The following UGT1A7 variants were observed in gnomAD, a reference collection of about 807,000 sequenced individuals.
UGT1A7 encodes the protein UDP-glucuronosyltransferase 1A7.
UGT1A7 carries 33 observed loss-of-function variants against 45.6 expected under a neutral mutation model. The ratio of observed to expected loss-of-function variants is 0.72; its 90% CI spans 0.55 to 0.97. The LOEUF (loss-of-function observed/expected upper bound fraction) is 0.97. UGT1A7 is among the 50% of genes least tolerant of loss of function. The pLI is 0.00. For missense variants in UGT1A7, 684 were observed against 666.2 expected (o/e 1.03, Z -0.29); for synonymous variants, 274 against 250.6 (o/e 1.09, Z -0.88).
intron 1 of UGT1A7, chr2:233,693,016 C>CCTTCG (rs767644326): frequency 1.4e-5 from 23 of 1,613,998 alleles, no homozygotes; most frequent in Non-Finnish European, 1.8e-5. Flanking sequence ...TGGCCTGCCT[C>CCTTCG]CTTCGCTCAT....
chr2:233,739,980 C>T (rs1169628941), intron 1 of UGT1A7, among the ~76,000 whole-genome samples: 1 of 151,792 alleles, frequency 6.6e-6, no homozygotes, highest in Non-Finnish European at 1.5e-5. Flanking sequence ...GGCAGTTTTC[C>T]CCATGCTGTT....
At chr2:233,754,910 C>T (rs1695636907) in intron 1 of UGT1A7, 2 of 1,353,942 alleles carry the variant, frequency 1.5e-6, no homozygotes, top group African/African-American at 3.0e-5. Flanking sequence ...CCAAAATATT[C>T]TCCAGCGGGT....
At chr2:233,750,188 A>G (rs1694384114) in intron 1 of UGT1A7, among the ~76,000 whole-genome samples, 1 of 151,886 alleles carries the variant, frequency 6.6e-6, no homozygotes, top group Non-Finnish European at 1.5e-5. Context: ...AATGTTGTGG[A>G]CAATGAAGTC....
At chr2:233,702,369 G>A (rs116955810) in intron 1 of UGT1A7, among the ~76,000 whole-genome samples, 2,669 of 151,968 alleles carry the variant, frequency 0.018, 42 homozygotes, top group East Asian at 0.042. Context: ...AGTGGATTTC[G>A]TAGGATTTTC....
chr2:233,756,289 G>GTATT (rs914898578), intron 1 of UGT1A7: 1 of 152,128 alleles, frequency 6.6e-6, no homozygotes, highest in African/African-American at 2.4e-5. Context: ...AAATGACACA[G>GTATT]TATTTGTATA....
At chr2:233,729,020 A>G in intron 1 of UGT1A7, 2 of 1,593,488 alleles carry the variant, frequency 1.3e-6, no homozygotes, top group Non-Finnish European at 8.6e-7. Flanking sequence ...TTCCAATTAC[A>G]CGTTGATTTG....
chr2:233,771,841 C>T (rs1700397789), intron 4 of UGT1A7, among the ~76,000 whole-genome samples: 1 of 147,174 alleles, frequency 6.8e-6, no homozygotes, highest in South Asian at 2.4e-4. Flanking sequence ...CCTTCTCTTC[C>T]TTCTTTTTCA....
rs74792728 is a variant in UGT1A7 at position 233,697,391 on chromosome 2, T to A, written c.855+14599T>A. Among the ~76,000 whole-genome samples the A allele has an allele frequency of 6.1e-3, 934 of 152,218 alleles. 11 individuals carry two copies. Among genetic ancestry groups the A allele is most frequent in the African/African-American group, 0.021 (887 of 41,568 alleles). ...TAGAGTTCACAATAATCGCTAATGA[T>A]CCTTTGTATTTCTGTGGTGTCAGTT... is the stretch of plus-strand genomic sequence containing the variant. On this transcript the variant is annotated intron_variant, in intron 1 of 4. Coordinates refer to ENST00000373426, the MANE Select transcript of UGT1A7 (RefSeq NM_019077.3).
intron 1 of UGT1A7, among the ~76,000 whole-genome samples, chr2:233,764,316 C>T (rs1044416342): frequency 3.3e-5 from 5 of 152,242 alleles, no homozygotes; most frequent in Admixed American, 6.5e-5. Flanking sequence ...TTAAGGGAAG[C>T]TTTGCCAAGT....
chr2:233,701,793 C>A (rs532653628), intron 1 of UGT1A7, among the ~76,000 whole-genome samples: 26 of 152,232 alleles, frequency 1.7e-4, no homozygotes, highest in African/African-American at 6.0e-4. Context: ...TCTTTGAAAT[C>A]AACGAGAACA....
At chr2:233,685,378 C>G (rs1334317900) in intron 1 of UGT1A7, among the ~76,000 whole-genome samples, 1 of 152,104 alleles carries the variant, frequency 6.6e-6, no homozygotes, top group Non-Finnish European at 1.5e-5. Flanking sequence ...TTCCACTTTT[C>G]TTGACTTGTT....
chr2:233,748,151 T>C, intron 1 of UGT1A7: 1 of 1,604,824 alleles, frequency 6.2e-7, no homozygotes, highest in East Asian at 2.2e-5. Flanking sequence ...TTACTTACAA[T>C]TGCTTCCATA....
intron 1 of UGT1A7, among the ~76,000 whole-genome samples, chr2:233,706,453 A>G (rs919599905): frequency 2.6e-5 from 4 of 152,254 alleles, no homozygotes; most frequent in Non-Finnish European, 5.9e-5. Context: ...GCAAATGACC[A>G]TTGAGGTTTC....
At chr2:233,719,259 G>A (rs746608425) in intron 1 of UGT1A7, 2 of 1,614,146 alleles carry the variant, frequency 1.2e-6, no homozygotes, top group Admixed American at 1.7e-5. Flanking sequence ...TACTTCCTTT[G>A]ATGTGGTTTT....
intron 1 of UGT1A7, among the ~76,000 whole-genome samples, chr2:233,751,862 A>G (rs1489873330): frequency 6.6e-6 from 1 of 152,176 alleles, no homozygotes; most frequent in Admixed American, 6.5e-5. Flanking sequence ...TGTCTTTTAT[A>G]AATTACCCCG....
chr2:233,752,680 A>G (rs1695029756), intron 1 of UGT1A7: 1 of 152,192 alleles, frequency 6.6e-6, no homozygotes, highest in South Asian at 2.1e-4. Context: ...TGAGCCCAGA[A>G]ATTCATGTTT....
At chr2:233,752,913 G>A (rs1372814851) in intron 1 of UGT1A7, among the ~76,000 whole-genome samples, 1 of 152,202 alleles carries the variant, frequency 6.6e-6, no homozygotes, top group East Asian at 1.9e-4. Context: ...CCACCTCTGA[G>A]TGACACTGGT....
rs267599271 is a variant in UGT1A7, at chr2:233,713,125, G to A, written c.855+30333G>A. On this transcript the variant is annotated intron_variant, in intron 1 of 4. Transcript: ENST00000373426. ...GATGGCAGCCACTGGCTCAGCATGC[G>A]GGAGGCCTTGCGGGACCTCCATGCG... 5.5e-5 allele frequency: 89 copies of A among 1,614,190 alleles called. No homozygotes were observed. Among genetic ancestry groups the A allele is most frequent in the Admixed American group, 3.2e-4 (19 of 60,030 alleles).
intron 1 of UGT1A7, among the ~76,000 whole-genome samples, chr2:233,687,027 ATGTAGTGTT>A (rs2074817736): frequency 6.6e-6 from 1 of 152,202 alleles, no homozygotes; most frequent in African/African-American, 2.4e-5. Flanking sequence ...AGGTGGTTCA[ATGTAGTGTT>A]TGAGCACGCG....
Sources: allele counts gnomAD v4.1 joint callset (sites outside exome capture counted in the v4.1 genomes callset), GRCh38; gene constraint gnomAD v4.1.1; transcripts MANE v1.5; gene names NCBI Gene and HGNC (gene_info 2026-07-23, HGNC 2026-07-21).